Variants in PDGFRA observed in about 807,000 individuals in gnomAD.
The protein encoded by PDGFRA is platelet-derived growth factor receptor alpha.
In PDGFRA, 25 loss-of-function variants were observed where a neutral mutation model predicts 121.5. That is an observed-to-expected ratio of 0.21 (90% confidence interval 0.15 to 0.29). The LOEUF is 0.29. PDGFRA is among the 10% of genes least tolerant of loss of function. The pLI is 1.00. For missense variants in PDGFRA, 1,008 were observed against 1,345.1 expected (o/e 0.75, Z 3.92); for synonymous variants, 463 against 494.8 (o/e 0.94, Z 0.85).
intron 5 of PDGFRA, among the ~76,000 whole-genome samples, chr4:54,267,065 G>A (rs1457309260): frequency 6.6e-6 from 1 of 152,142 alleles, no homozygotes; most frequent in East Asian, 1.9e-4. Context: ...TTTTAGAGCA[G>A]TTTTAGGTTT....
chr4:54,265,836 G>GAT (rs753521856), intron 5 of PDGFRA, among the ~76,000 whole-genome samples: 1 of 152,142 alleles, frequency 6.6e-6, no homozygotes, highest in Non-Finnish European at 1.5e-5. Flanking sequence ...ACAAAAACGA[G>GAT]ATATATATAT....
In PDGFRA at chr4:54,273,632, G is replaced by A. The variant is rs764214258; in HGVS notation, c.1460G>A (p.Arg487His). ...HSRDRSTVEG[R>H]VTFAKVEETI... is the part of the protein sequence containing the mutation. ...CGAGACAGGAGTACCGTGGAGGGCC[G>A]TGTGACTTTCGCCAAAGTGGAGGAG... The change falls in exon 10 of 23, where the codon CGT (arginine) becomes CAT (histidine). Residue 487 changes from arginine to histidine, a missense_variant. Around this residue, in one of 5 missense-constraint regions of PDGFRA, gnomAD observed 575 missense variants for 701.8 expected, o/e 0.82. Coordinates refer to ENST00000257290, the MANE Select transcript of PDGFRA (RefSeq NM_006206.6). The A allele has an allele frequency of 2.0e-5, 32 of 1,613,812 alleles. No homozygotes were observed. Among genetic ancestry groups the A allele is most frequent in the African/African-American group, 1.6e-4 (12 of 74,856 alleles).
At chr4:54,249,814 A>G (rs1410778063) in intron 1 of PDGFRA, among the ~76,000 whole-genome samples, 1 of 152,054 alleles carries the variant, frequency 6.6e-6, no homozygotes, top group African/African-American at 2.4e-5. Context: ...TTTTTAAAAA[A>G]TAAAGTTAAA....
intron 22 of PDGFRA, among the ~76,000 whole-genome samples, chr4:54,290,921 GA>G (rs1159433285): frequency 6.6e-6 from 1 of 152,150 alleles, no homozygotes; most frequent in African/African-American, 2.4e-5. Context: ...AAAAAGTGAA[GA>G]GAGGCGGGAC....
At chr4:54,247,187 GA>G (rs919464117) in intron 1 of PDGFRA, among the ~76,000 whole-genome samples, 6 of 152,188 alleles carry the variant, frequency 3.9e-5, no homozygotes, top group African/African-American at 1.4e-4. Context: ...CCAATCAATA[GA>G]AAAAGAGGGA....
In PDGFRA at chr4:54,295,613, T is replaced by C. The variant is rs1291044948; in HGVS notation, c.*341T>C. On this transcript the variant is annotated 3_prime_UTR_variant, in exon 23 of 23. Transcript: ENST00000257290. The stretch of plus-strand genomic sequence containing the variant: ...ACACAATTTATACTGCGACAGAACT[T>C]CAGCATTGTAATTATGTAAATAACT... The C allele has an allele frequency of 4.9e-6, 2 of 408,454 alleles. No homozygotes were observed. The allele number at this position is 408,454 out of a possible 1,614,324, so 25.3% of individuals were successfully genotyped here.
rs150927351 is a variant in PDGFRA, at chr4:54,267,367, G to T, written c.838G>T (p.Ala280Ser). The T allele has an allele frequency of 3.1e-5, 50 of 1,613,934 alleles. No homozygotes were observed. Among genetic ancestry groups the T allele is most frequent in the Non-Finnish European group, 4.2e-5 (49 of 1,179,938 alleles). The change falls in exon 6 of 23, where the codon GCC becomes TCC. Residue 280 changes from alanine to serine, a missense_variant. Physicochemically the swap from Ala to Ser is moderately conservative, Grantham distance 99. This residue lies in a region of PDGFRA where 575 missense variants were observed against 701.8 expected (regional missense o/e 0.82). Coordinates refer to ENST00000257290, the MANE Select transcript of PDGFRA (RefSeq NM_006206.6). ...GGTGTACACTTTGACGGTCCCCGAG[G>T]CCACGGTGAAAGACAGTGGAGATTA... ...KLVYTLTVPE[A>S]TVKDSGDYEC...
At chr4:54,289,663 T>G (rs894502283) in intron 21 of PDGFRA, among the ~76,000 whole-genome samples, 2 of 152,236 alleles carry the variant, frequency 1.3e-5, no homozygotes, top group Non-Finnish European at 2.9e-5. Context: ...GATTAGTCCC[T>G]GTGTAGACTT....
chr4:54,284,801 C>CGTGTGTGT (rs3068267), intron 16 of PDGFRA, among the ~76,000 whole-genome samples: 42 of 147,212 alleles, frequency 2.9e-4, no homozygotes, highest in African/African-American at 9.5e-4. Flanking sequence ...TATATCATTG[C>CGTGTGTGT]GTGTGTGTGT....
chr4:54,279,407 C>T (rs1017839729), intron 15 of PDGFRA, among the ~76,000 whole-genome samples: 3 of 152,282 alleles, frequency 2.0e-5, no homozygotes, highest in Admixed American at 2.0e-4. Flanking sequence ...ATCCATTCTA[C>T]GTCTTCTGAA....
At position 54,290,490 on chromosome 4, in the gene PDGFRA, A is replaced by G. The variant is rs767151323; in HGVS notation, c.3058A>G (p.Ile1020Val). ...ACTGAGCGCTGACAGTGGCTACATC[A>G]TTCCTCTGCCTGACATTGACCCTGT... The part of the protein sequence containing the change: ...QRLSADSGYI[I>V]PLPDIDPVPE... Residue 1020 changes from isoleucine to valine, a missense_variant, in exon 22 of 23, where the codon ATT (isoleucine) becomes GTT (valine). Physicochemically the swap from Ile to Val is conservative, Grantham distance 29. This residue lies in a region of PDGFRA where 204 missense variants were observed against 243.0 expected (regional missense o/e 0.84). Transcript: ENST00000257290. 12 of 1,613,862 alleles carry G rather than the reference A, an allele frequency of 7.4e-6. 1 individual carries two copies. Among genetic ancestry groups the G allele is most frequent in the Non-Finnish European group, 9.3e-6 (11 of 1,179,718 alleles).
intron 1 of PDGFRA, among the ~76,000 whole-genome samples, chr4:54,245,350 C>T (rs1721578177): frequency 6.6e-6 from 1 of 152,204 alleles, no homozygotes; most frequent in African/African-American, 2.4e-5. Flanking sequence ...GCCCATCAGA[C>T]TAACAGTGGA....
chr4:54,293,467 G>A (rs1016496805), intron 22 of PDGFRA, among the ~76,000 whole-genome samples: 2 of 121,592 alleles, frequency 1.6e-5, no homozygotes, highest in Non-Finnish European at 3.2e-5. Context: ...GTCTCGCTCT[G>A]TCACCCAGGC....
chr4:54,230,367 A>T (rs1263021185), intron 1 of PDGFRA: 1 of 152,180 alleles, frequency 6.6e-6, no homozygotes, highest in East Asian at 2.0e-4. Context: ...GCATTCCAGC[A>T]ACTGGGATTT....
At chr4:54,261,898 C>CATATATATAT (rs397880252) in intron 3 of PDGFRA, among the ~76,000 whole-genome samples, 26 of 95,290 alleles carry the variant, frequency 2.7e-4, no homozygotes, top group African/African-American at 1.0e-3. Flanking sequence ...AAAAAAGTTA[C>CATATATATAT]ATATATATAT....
chr4:54,267,974 G>C (rs538742178), intron 7 of PDGFRA, among the ~76,000 whole-genome samples: 1 of 152,310 alleles, frequency 6.6e-6, no homozygotes, highest in East Asian at 1.9e-4. Flanking sequence ...TCTGGCCCCT[G>C]GGGAAAGACA....
chr4:54,266,288 A>C (rs1723022514), intron 5 of PDGFRA, among the ~76,000 whole-genome samples: 1 of 152,234 alleles, frequency 6.6e-6, no homozygotes, highest in Non-Finnish European at 1.5e-5. Flanking sequence ...GGTTTATTGC[A>C]GAAACTTTGT....
Position 54,297,015 on chromosome 4 carries a change from C to A in PDGFRA, c.*1743C>A. On this transcript the variant is annotated 3_prime_UTR_variant, in exon 23 of 23. Transcript: ENST00000257290. Reference sequence around the variant, plus strand: ...GTCTTCTGCCTCCCACTCCATACCCCGCCAAGGAAAGGCATGTACAAAAAT... The same window carrying A: ...GTCTTCTGCCTCCCACTCCATACCCAGCCAAGGAAAGGCATGTACAAAAAT... 1 of 233,158 alleles carries A rather than the reference C, an allele frequency of 4.3e-6. No homozygotes were observed. The allele number at this position is 233,158 out of a possible 1,614,324, so 14.4% of individuals were successfully genotyped here.
chr4:54,229,761 G>A (rs1024537564), intron 1 of PDGFRA: 7 of 157,210 alleles, frequency 4.5e-5, no homozygotes, highest in Non-Finnish European at 8.4e-5. Flanking sequence ...GGTGGTGTTC[G>A]TGAATACTGG....
Sources: allele counts gnomAD v4.1 joint callset (sites outside exome capture counted in the v4.1 genomes callset), GRCh38; gene constraint gnomAD v4.1.1; regional missense constraint gnomAD v4.1.1; transcripts MANE v1.5; gene names NCBI Gene and HGNC (gene_info 2026-07-23, HGNC 2026-07-21).